The following RYR2 variants were observed in gnomAD, a reference collection of about 807,000 sequenced individuals.
RYR2 encodes cardiac muscle ryanodine receptor-calcium release channel.
In RYR2, 227 loss-of-function variants were observed where a neutral mutation model predicts 601.1. The ratio of observed to expected loss-of-function variants is 0.38; its 90% CI spans 0.34 to 0.42. RYR2 has a LOEUF of 0.42. Ranked by LOEUF, RYR2 falls within the 10% of genes least tolerant of loss-of-function variation. The pLI is 1.00. For missense variants in RYR2, 4,646 were observed against 6,156.5 expected (o/e 0.75, Z 8.21); for synonymous variants, 2,223 against 2,175.1 (o/e 1.02, Z -0.61).
chr1:237,549,964 G>T (rs1489832817), intron 26 of RYR2, among the ~76,000 whole-genome samples: 1 of 152,114 alleles, frequency 6.6e-6, no homozygotes, highest in East Asian at 1.9e-4. Flanking sequence ...GTTTAACATT[G>T]GAGCCTCTCG....
In RYR2 at chr1:237,416,749, AACACAC is replaced by A. The variant is rs71180024; in HGVS notation, c.774-290_774-285del. On this transcript the variant is annotated intron_variant, in intron 10 of 104. Transcript: ENST00000366574. ...TCACTGGGAGGGAGGGATGGGAAGAAACACACACACACACAGAGAGAGAGAGAGAGA... is the reference window on the plus strand; with the variant it reads ...TCACTGGGAGGGAGGGATGGGAAGAAACACACACAGAGAGAGAGAGAGAGA... Among the ~76,000 whole-genome samples, 1,753 of 148,180 alleles carry A rather than the reference AACACAC, an allele frequency of 0.012. 46 individuals carry two copies. The highest frequency in any genetic ancestry group is 0.041 in the African/African-American group (1,661 of 40,078).
At chr1:237,674,871 A>G (rs759568596) in intron 60 of RYR2, 25 bp downstream of exon 60, 10 of 1,264,442 alleles carry the variant, frequency 7.9e-6, no homozygotes, top group Non-Finnish European at 1.0e-5. Flanking sequence ...CCCATTGCTA[A>G]TAGCCCAGTG....
intron 10 of RYR2, among the ~76,000 whole-genome samples, chr1:237,411,781 A>G (rs1472151341): frequency 6.6e-6 from 1 of 152,180 alleles, no homozygotes; most frequent in Non-Finnish European, 1.5e-5. Flanking sequence ...CAAATGTGAA[A>G]GTGAGTCATC....
intron 101 of RYR2, among the ~76,000 whole-genome samples, chr1:237,825,825 AAAAC>A (rs1474707562): frequency 1.3e-5 from 2 of 152,220 alleles, no homozygotes; most frequent in Non-Finnish European, 2.9e-5. Flanking sequence ...TCATAAGAAT[AAAAC>A]AAACAACCCC....
At chr1:237,266,683 G>A (rs1488695761) in intron 1 of RYR2, among the ~76,000 whole-genome samples, 1 of 152,176 alleles carries the variant, frequency 6.6e-6, no homozygotes, top group Non-Finnish European at 1.5e-5. Flanking sequence ...AGCAGCTCCT[G>A]GGCAAACTGG....
chr1:237,523,626 A>G (rs1218374991), intron 24 of RYR2, among the ~76,000 whole-genome samples: 2 of 152,034 alleles, frequency 1.3e-5, no homozygotes, highest in Non-Finnish European at 2.9e-5. Flanking sequence ...AATCCCAGCT[A>G]CTAGGGAGAC....
At chr1:237,796,031 T>C (rs1332811472) in intron 96 of RYR2, among the ~76,000 whole-genome samples, 7 of 151,070 alleles carry the variant, frequency 4.6e-5, no homozygotes, top group African/African-American at 1.7e-4. Context: ...TTTGTAAATG[T>C]ACATATATAT....
intron 1 of RYR2, among the ~76,000 whole-genome samples, chr1:237,043,226 G>A (rs1660144404): frequency 1.3e-5 from 2 of 152,192 alleles, no homozygotes; most frequent in African/African-American, 2.4e-5. Flanking sequence ...CCCGGGGCTG[G>A]TGCCATCCGT....
rs1343959585 is a variant in RYR2, at chr1:237,832,486, T to C, written c.14809-66T>C. The C allele has an allele frequency of 2.2e-5, 23 of 1,037,564 alleles. No individual in the cohort carries two copies. In the East Asian group the frequency reaches 2.4e-4, roughly 11 times the overall value. The allele number at this position is 1,037,564 out of a possible 1,614,324, so 64.3% of individuals were successfully genotyped here. On this transcript the variant is annotated intron_variant, in intron 104 of 104. Coordinates refer to ENST00000366574, the MANE Select transcript of RYR2 (RefSeq NM_001035.3). Reference sequence around the variant, plus strand: ...GCGATATAGGTAACAGAATTGAGTTTCTACCTTATGTTTTGTTAGCACACA... The same window carrying C: ...GCGATATAGGTAACAGAATTGAGTTCCTACCTTATGTTTTGTTAGCACACA...
chr1:237,185,100 A>G (rs1222988340), intron 1 of RYR2, among the ~76,000 whole-genome samples: 2 of 152,026 alleles, frequency 1.3e-5, no homozygotes, highest in Admixed American at 1.3e-4. Flanking sequence ...TCCTGGACTC[A>G]AGCAGTTCTC....
At chr1:237,058,808 G>A (rs1056579414) in intron 1 of RYR2, among the ~76,000 whole-genome samples, 14 of 145,584 alleles carry the variant, frequency 9.6e-5, no homozygotes, top group African/African-American at 3.3e-4. Context: ...GCGGGGGGCC[G>A]GGGGGCGGGG....
chr1:237,166,359 A>G (rs1461066741), intron 1 of RYR2, among the ~76,000 whole-genome samples: 1 of 152,244 alleles, frequency 6.6e-6, no homozygotes, highest in East Asian at 1.9e-4. Flanking sequence ...AAATGAGCCA[A>G]TTAAGCATTC....
intron 99 of RYR2, 139 bp from the exon 100 acceptor site, chr1:237,808,762 G>C (rs1387795500): frequency 3.0e-6 from 2 of 662,650 alleles, no homozygotes; most frequent in Non-Finnish European, 2.6e-6. Context: ...AGAAAGGTGA[G>C]AAATAAGTTA....
At chr1:237,272,290 C>A (rs1001393411) in intron 2 of RYR2, among the ~76,000 whole-genome samples, 1 of 150,224 alleles carries the variant, frequency 6.7e-6, no homozygotes, top group African/African-American at 2.5e-5. Flanking sequence ...ATTGCAGGGG[C>A]GATAGAGGCA....
At chr1:237,315,052 T>C (rs1195270784) in intron 2 of RYR2, among the ~76,000 whole-genome samples, 1 of 152,166 alleles carries the variant, frequency 6.6e-6, no homozygotes, top group Non-Finnish European at 1.5e-5. Flanking sequence ...AAGTATGTAA[T>C]TTTTTCACCA....
intron 47 of RYR2, among the ~76,000 whole-genome samples, chr1:237,642,993 G>A (rs1263996241): frequency 6.6e-6 from 1 of 152,108 alleles, no homozygotes; most frequent in East Asian, 1.9e-4. Context: ...GTATTTACAT[G>A]TAATTTTGGA....
At chr1:237,222,132 G>C (rs1683853638) in intron 1 of RYR2, among the ~76,000 whole-genome samples, 1 of 152,052 alleles carries the variant, frequency 6.6e-6, no homozygotes, top group African/African-American at 2.4e-5. Context: ...ATAGAAGCTT[G>C]GGCCAGGCGC....
intron 2 of RYR2, among the ~76,000 whole-genome samples, chr1:237,312,942 A>G (rs79095783): frequency 0.029 from 4,359 of 152,250 alleles, 98 homozygotes; most frequent in Non-Finnish European, 0.046. Context: ...TTAAAACAAA[A>G]CACCAAGATA....
chr1:237,753,584 T>C (rs1296709478), intron 80 of RYR2, among the ~76,000 whole-genome samples: 1 of 152,222 alleles, frequency 6.6e-6, no homozygotes, highest in East Asian at 1.9e-4. Flanking sequence ...TCTTGGTTGC[T>C]CTTGGCAATC....
Sources: allele counts gnomAD v4.1 joint callset (sites outside exome capture counted in the v4.1 genomes callset), GRCh38; gene constraint gnomAD v4.1.1; transcripts MANE v1.5; gene names NCBI Gene and HGNC (gene_info 2026-07-23, HGNC 2026-07-21).